The following CNTLN variants were observed in gnomAD, a reference collection of about 807,000 sequenced individuals.
CNTLN encodes the protein centlein.
Under a neutral mutation model 180.0 loss-of-function variants are expected in CNTLN, and 212 were observed. The ratio of observed to expected loss-of-function variants is 1.18; its 90% CI spans 1.05 to 1.32. The LOEUF (loss-of-function observed/expected upper bound fraction) is 1.32, where lower values mean the gene tolerates loss of function less well. Among genes scored for constraint, CNTLN ranks in the 40% most tolerant of loss-of-function variants. The probability of loss-of-function intolerance (pLI) is 0.00; values close to 1 mark genes in which losing one functional copy is unlikely to be tolerated. For missense variants in CNTLN, 2,095 were observed against 1,610.9 expected, an observed-to-expected ratio of 1.30 and a Z score of -5.14; for synonymous variants, 722 against 563.1, an observed-to-expected ratio of 1.28 and a Z score of -3.99.
At chr9:17,462,108 C>T (rs1238847072) in intron 19 of CNTLN, among the ~76,000 whole-genome samples, 2 of 151,708 alleles carry the variant, frequency 1.3e-5, no homozygotes, top group African/African-American at 2.4e-5. Context: ...CAAACTATCC[C>T]GAAACATCGT....
chr9:17,507,885 C>CT (rs1833961046), downstream of CNTLN, among the ~76,000 whole-genome samples: 1 of 152,182 alleles, frequency 6.6e-6, no homozygotes, highest in Non-Finnish European at 1.5e-5. Flanking sequence ...CCTTCCAACA[C>CT]TTTTTGCCAC....
chr9:17,219,838 G>A (rs980568112), intron 2 of CNTLN, among the ~76,000 whole-genome samples: 8 of 151,886 alleles, frequency 5.3e-5, no homozygotes, highest in African/African-American at 1.7e-4. Flanking sequence ...TCTGGTGAGG[G>A]CTCTTTGTAA....
intron 3 of CNTLN, among the ~76,000 whole-genome samples, chr9:17,228,023 T>A (rs1186609343): frequency 6.6e-6 from 1 of 152,024 alleles, no homozygotes; most frequent in African/African-American, 2.4e-5. Context: ...GGAAAAAAAT[T>A]TGGCCACCCC....
intron 19 of CNTLN, among the ~76,000 whole-genome samples, chr9:17,461,528 C>G (rs1008850623): frequency 6.6e-6 from 1 of 151,538 alleles, no homozygotes; most frequent in Non-Finnish European, 1.5e-5. Context: ...AAAATTATTT[C>G]AAATGTTTTA....
chr9:17,161,863 A>G (rs1197113916), intron 2 of CNTLN, among the ~76,000 whole-genome samples: 1 of 152,138 alleles, frequency 6.6e-6, no homozygotes, highest in Non-Finnish European at 1.5e-5. Flanking sequence ...AGATCCATCC[A>G]GAGTTGAGCT....
rs554985346 is a variant in CNTLN at position 17,475,764 on chromosome 9, T to C, written c.3856-8531T>C. Among the ~76,000 whole-genome samples the C allele has an allele frequency of 5.9e-5, 9 of 151,794 alleles. No individual in the cohort carries two copies. In the East Asian group the frequency reaches 1.8e-3, roughly 30 times the overall value. On this transcript the variant is annotated intron_variant, in intron 23 of 25. Coordinates refer to ENST00000380647, the MANE Select transcript of CNTLN (RefSeq NM_017738.4). ...GGTGGGCACCTGTAGTCCCAGCTAC[T>C]TGGGAGGCTGAGGCAAGAGAATGGC...
At chr9:17,434,925 T>G (rs1829671110) in intron 18 of CNTLN, among the ~76,000 whole-genome samples, 2 of 152,184 alleles carry the variant, frequency 1.3e-5, no homozygotes, top group Non-Finnish European at 2.9e-5. Flanking sequence ...GTCATTCAAA[T>G]TAGCATATCC....
chr9:17,264,042 G>A (rs1230133185), intron 5 of CNTLN, among the ~76,000 whole-genome samples: 1 of 145,880 alleles, frequency 6.9e-6, no homozygotes, highest in African/African-American at 2.6e-5. Flanking sequence ...AAGCTCTTTA[G>A]TTTAATTAGA....
intron 7 of CNTLN, chr9:17,301,087 T>C: frequency 1.0e-6 from 1 of 985,274 alleles, no homozygotes; most frequent in East Asian, 1.1e-4. Flanking sequence ...AAGCTCTCCT[T>C]GATGGTGTCA....
intron 2 of CNTLN, among the ~76,000 whole-genome samples, chr9:17,177,713 A>G (rs1820813418): frequency 6.6e-6 from 1 of 152,062 alleles, no homozygotes; most frequent in Admixed American, 6.5e-5. Flanking sequence ...TGTGGTCTCG[A>G]TGGCTTCAGG....
At chr9:17,301,761 A>C in intron 7 of CNTLN, 1 of 968,368 alleles carries the variant, frequency 1.0e-6, no homozygotes, top group Non-Finnish European at 1.2e-6. Context: ...TAGACATTAC[A>C]ATTGTTTTGG....
intron 2 of CNTLN, chr9:17,168,249 A>G (rs894578098): frequency 4.0e-4 from 61 of 152,314 alleles, no homozygotes; most frequent in African/African-American, 1.3e-3. Context: ...AACACACAAA[A>G]GAAAATCTGT....
intron 2 of CNTLN, among the ~76,000 whole-genome samples, chr9:17,174,853 T>C (rs1820625047): frequency 6.6e-6 from 1 of 152,272 alleles, no homozygotes. Flanking sequence ...ATTCTGCTGA[T>C]GTATAGTTAT....
intron 19 of CNTLN, among the ~76,000 whole-genome samples, chr9:17,459,338 TTG>T (rs2134170436): frequency 6.6e-6 from 1 of 152,002 alleles, no homozygotes; most frequent in South Asian, 2.1e-4. Context: ...AATCTCTCTC[TTG>T]CTTTGGAGGA....
rs190873433 is a variant in CNTLN at position 17,236,567 on chromosome 9, T to C, written c.828T>C (p.Tyr276=). ...AAGCACATTTGAGAAAAGAAAAATA[T>C]AGCACTGATGCAAAAATAAAGGTAT... The part of the protein sequence containing the change: ...KQEAHLRKEK[Y]STDAKIKTFE... Residue 276 remains tyrosine, a synonymous_variant, in exon 5 of 26, where the codon TAT becomes TAC. Coordinates refer to ENST00000380647, the MANE Select transcript of CNTLN (RefSeq NM_017738.4). 2.5e-5 allele frequency: 40 copies of C among 1,610,074 alleles called. No homozygotes were observed. In the African/African-American group the frequency reaches 4.3e-4, roughly 17 times the overall value.
the CNTLN span, among the ~76,000 whole-genome samples, chr9:17,527,325 A>C: frequency 1.3e-5 from 2 of 152,206 alleles, no homozygotes; most frequent in Admixed American, 1.3e-4. Flanking sequence ...TACTGATTTG[A>C]TTATCTTTGT....
chr9:17,171,572 G>A (rs1820422667), intron 2 of CNTLN, among the ~76,000 whole-genome samples: 1 of 152,152 alleles, frequency 6.6e-6, no homozygotes. Flanking sequence ...TCTTGTGCAG[G>A]AAGTTGTGGT....
At position 17,135,086 on chromosome 9, in the gene CNTLN, C is replaced by T. The variant is rs760147316; in HGVS notation, c.21C>T (p.Pro7=). ...CAGCCATGGCGGCGCGTTCGCCTCC[C>T]TCACCGCACCCTTCGCCCCCAGCGC... MAARSP[P]SPHPSPPARQ... is the part of the protein sequence containing the mutation. Residue 7 remains proline, a synonymous_variant, in exon 1 of 26, where the codon CCC becomes CCT. Coordinates refer to ENST00000380647, the MANE Select transcript of CNTLN (RefSeq NM_017738.4). The T allele has an allele frequency of 3.1e-6, 5 of 1,602,022 alleles. No homozygotes were observed. The highest frequency in any genetic ancestry group is 1.7e-5 in the Admixed American group (1 of 59,310).
chr9:17,456,640 A>AT (rs748900493), intron 18 of CNTLN, among the ~76,000 whole-genome samples: 62 of 152,182 alleles, frequency 4.1e-4, no homozygotes, highest in Non-Finnish European at 6.5e-4. Context: ...ACAAAGAAAG[A>AT]TTTTTCCCCC....
Sources: allele counts gnomAD v4.1 joint callset (sites outside exome capture counted in the v4.1 genomes callset), GRCh38; gene constraint gnomAD v4.1.1; transcripts MANE v1.5; gene names NCBI Gene and HGNC (gene_info 2026-07-23, HGNC 2026-07-21).